ROCK2: variants seen among roughly 807,000 people sequenced by gnomAD.
ROCK2 encodes the protein rho-associated protein kinase 2.
In ROCK2, 61 loss-of-function variants were observed where a neutral mutation model predicts 195.1. The ratio of observed to expected loss-of-function variants is 0.31; its 90% CI spans 0.25 to 0.39. ROCK2 has a LOEUF of 0.39. Among genes scored for constraint, ROCK2 ranks in the 10% least tolerant of loss-of-function variants. The probability of loss-of-function intolerance (pLI) is 1.00; values close to 1 mark genes in which losing one functional copy is unlikely to be tolerated. For synonymous variants in ROCK2, 504 were observed against 545.5 expected (o/e 0.92, Z 1.06); for missense variants, 1,109 against 1,637.4 (o/e 0.68, Z 5.57).
intron 3 of ROCK2, among the ~76,000 whole-genome samples, chr2:11,253,414 A>G (rs530697415): frequency 6.6e-6 from 1 of 152,190 alleles, no homozygotes; most frequent in Non-Finnish European, 1.5e-5. Flanking sequence ...TAAGGACACT[A>G]CCTCCTTATC....
chr2:11,227,285 A>C lies in ROCK2; in HGVS notation c.837T>G (p.Ser279=). 6.2e-7 allele frequency: 1 copy of C among 1,613,768 alleles called. No homozygotes were observed. The highest frequency in any genetic ancestry group is 8.5e-7 in the Non-Finnish European group (1 of 1,179,754). ...GCATCTCATAAAGGAAAACACCTAC[A>C]GACCACCAATCACATTCTCGCCCAT... ...GFYGRECDWW[S]VGVFLYEMLV... The change falls in exon 6 of 33, where the codon TCT becomes TCG. Residue 279 remains serine (S), a synonymous_variant. Transcript: ENST00000315872.
At chr2:11,193,182 GAGAAA>G (rs1213155708) in intron 30 of ROCK2, among the ~76,000 whole-genome samples, 3 of 152,124 alleles carry the variant, frequency 2.0e-5, no homozygotes, top group Admixed American at 6.6e-5. Context: ...AGAGTTGAGA[GAGAAA>G]AGAAAGAGGA....
chr2:11,341,978 G>A (rs1398290163), intron 1 of ROCK2, among the ~76,000 whole-genome samples: 1 of 151,918 alleles, frequency 6.6e-6, no homozygotes, highest in Non-Finnish European at 1.5e-5. Flanking sequence ...ACTTAAAAAT[G>A]GTTAAAAATG....
chr2:11,336,007 T>C (rs911267440), intron 1 of ROCK2, among the ~76,000 whole-genome samples: 3 of 152,292 alleles, frequency 2.0e-5, no homozygotes, highest in East Asian at 3.9e-4. Flanking sequence ...TAAATACATA[T>C]AAGTTAAGAT....
intron 1 of ROCK2, among the ~76,000 whole-genome samples, chr2:11,337,689 A>G (rs2148276147): frequency 6.6e-6 from 1 of 151,982 alleles, no homozygotes; most frequent in East Asian, 1.9e-4. Context: ...CTGGAGTGCA[A>G]TGACCCAGTC....
chr2:11,236,098 C>A, intron 4 of ROCK2, 136 bp from the exon 5 acceptor site: 6 of 816,826 alleles, frequency 7.3e-6, no homozygotes, highest in Non-Finnish European at 8.8e-6. Context: ...TTTATGAGAT[C>A]TTTTATTTTA....
chr2:11,232,102 G>T (rs1215170493), intron 5 of ROCK2, among the ~76,000 whole-genome samples: 1 of 151,548 alleles, frequency 6.6e-6, no homozygotes. Flanking sequence ...CCTTCTGTAA[G>T]TGGATGAGAA....
At chr2:11,317,627 T>TTTTTTTAA (rs1192587957) in intron 1 of ROCK2, among the ~76,000 whole-genome samples, 1 of 31,444 alleles carries the variant, frequency 3.2e-5, no homozygotes, top group Non-Finnish European at 7.1e-5. Flanking sequence ...TTTTTTTTTT[T>TTTTTTTAA]AATTATACTT....
In ROCK2 at chr2:11,277,788, C is replaced by T. The variant is rs112428465; in HGVS notation, c.324+8751G>A. ...CAATTGTGAATGGTGCTGCTATAAA[C>T]GTGTGTGCAAGTATCTTTTTCGTAT... On this transcript the variant is annotated intron_variant, in intron 3 of 32. Transcript: ENST00000315872. 1.3e-3 allele frequency among the ~76,000 whole-genome samples: 199 copies of T among 152,262 alleles called. 1 individual carries two copies. The highest frequency in any genetic ancestry group is 8.7e-3 in the East Asian group (45 of 5,178).
chr2:11,308,801 A>T (rs1667944159), intron 1 of ROCK2: 31 of 1,611,540 alleles, frequency 1.9e-5, no homozygotes, highest in Non-Finnish European at 2.6e-5. Flanking sequence ...TTTTGCTTTC[A>T]TGGAGATGGA....
chr2:11,257,621 C>A (rs1666082373), intron 3 of ROCK2, among the ~76,000 whole-genome samples: 1 of 151,162 alleles, frequency 6.6e-6, no homozygotes. Flanking sequence ...CCAGGAATAC[C>A]AGAATCACCT....
chr2:11,233,417 GAA>G lies in ROCK2; in HGVS notation c.723+2283_723+2284del, dbSNP rs1280276898. Among the ~76,000 whole-genome samples the G allele has an allele frequency of 2.6e-5, 4 of 152,246 alleles. No homozygotes were observed. In the East Asian group the frequency reaches 5.8e-4, roughly 22 times the overall value. ...CTCATGTACTAGTAGTAAGTAGTTA[GAA>G]ACATTCACAGCCATTCTGGAGATCG... On this transcript the variant is annotated intron_variant, in intron 5 of 32. Transcript: ENST00000315872.
intron 8 of ROCK2, 107 bp downstream of exon 8, chr2:11,221,976 T>A: frequency 1.6e-6 from 1 of 628,082 alleles, no homozygotes; most frequent in Non-Finnish European, 2.8e-6. Context: ...AATTTAAAAA[T>A]GAGTTAGCAT....
chr2:11,330,740 G>GGGAGGAGGAGGGAGGAAGAGGAATGAGGA (rs148690962), intron 1 of ROCK2, among the ~76,000 whole-genome samples: 1 of 43,260 alleles, frequency 2.3e-5, no homozygotes, highest in Non-Finnish European at 4.7e-5. Flanking sequence ...AAGATGAGGA[G>GGGAGGAGGAGGGAGGAAGAGGAATGAGGA]GGAGGAGGGA....
At chr2:11,188,039 T>C (rs1663261986) in intron 32 of ROCK2, among the ~76,000 whole-genome samples, 1 of 152,000 alleles carries the variant, frequency 6.6e-6, no homozygotes, top group Admixed American at 6.6e-5. Context: ...AAATACTGCG[T>C]TAAAAAAAAT....
At chr2:11,299,323 C>A (rs1209626614) in intron 1 of ROCK2, among the ~76,000 whole-genome samples, 1 of 151,614 alleles carries the variant, frequency 6.6e-6, no homozygotes. Context: ...ATCATTATAC[C>A]CACAGACATC....
intron 6 of ROCK2, among the ~76,000 whole-genome samples, chr2:11,225,018 C>T (rs1515220): frequency 0.011 from 1,601 of 152,276 alleles, 17 homozygotes; most frequent in Non-Finnish European, 0.016. Context: ...AAATCATTTA[C>T]ATCATGATAG....
At chr2:11,305,661 A>G (rs1667837232) in intron 1 of ROCK2, among the ~76,000 whole-genome samples, 1 of 152,212 alleles carries the variant, frequency 6.6e-6, no homozygotes, top group Admixed American at 6.5e-5. Flanking sequence ...GGAAAATGAT[A>G]AGATGAGCTT....
Position 11,181,582 on chromosome 2 carries a change from G to C in ROCK2, c.*1855C>G, listed in dbSNP as rs1419299736. ...TTTTAAATATCTCTAACTGACATCA[G>C]AGGGAATCAATGAAAAATGTCTATT... On this transcript the variant is annotated 3_prime_UTR_variant, in exon 33 of 33. Transcript: ENST00000315872. The C allele has an allele frequency of 6.6e-6, 1 of 151,052 alleles. No homozygotes were observed. The highest frequency in any genetic ancestry group is 1.5e-5 in the Non-Finnish European group (1 of 67,910). The allele number at this position is 151,052 out of a possible 1,614,324, so 9.4% of individuals were successfully genotyped here. A position where few individuals can be genotyped will look rare whatever the true frequency, so the allele number is the denominator to read the frequency against.
Sources: allele counts gnomAD v4.1 joint callset (sites outside exome capture counted in the v4.1 genomes callset), GRCh38; gene constraint gnomAD v4.1.1; transcripts MANE v1.5; gene names NCBI Gene and HGNC (gene_info 2026-07-23, HGNC 2026-07-21).